ARAP2: variants seen among roughly 807,000 people sequenced by gnomAD.
The protein encoded by ARAP2 is arf-GAP with Rho-GAP domain, ANK repeat and PH domain-containing protein 2.
In ARAP2, 148 loss-of-function variants were observed where a neutral mutation model predicts 194.5. That is an observed-to-expected ratio of 0.76 (90% CI 0.67 to 0.87). ARAP2 has a LOEUF of 0.87. Among genes scored for constraint, ARAP2 ranks in the 40% least tolerant of loss-of-function variants. ARAP2 has a pLI of 0.00. For missense variants in ARAP2, 2,128 were observed against 1,989.7 expected, an observed-to-expected ratio of 1.07 and a Z score of -1.32; for synonymous variants, 695 against 683.5, an observed-to-expected ratio of 1.02 and a Z score of -0.26.
chr4:36,098,988 A>G (rs1459102625), intron 27 of ARAP2, among the ~76,000 whole-genome samples: 1 of 151,866 alleles, frequency 6.6e-6, no homozygotes, highest in Non-Finnish European at 1.5e-5. Flanking sequence ...GATCAACCCA[A>G]CCCCTAGGTA....
At chr4:36,063,650 T>C (rs908405458), downstream of ARAP2, among the ~76,000 whole-genome samples, 2 of 152,182 alleles carry the variant, frequency 1.3e-5, no homozygotes, top group African/African-American at 2.4e-5. Flanking sequence ...CTTAAAATGG[T>C]ACTTTAGGTC....
At chr4:36,080,942 G>C (rs1729390706) in intron 30 of ARAP2, among the ~76,000 whole-genome samples, 1 of 152,226 alleles carries the variant, frequency 6.6e-6, no homozygotes, top group South Asian at 2.1e-4. Context: ...CACAGACTTG[G>C]GGATGAGGAG....
chr4:36,033,728 G>A (rs763664264), intron 5 of ARAP2, among the ~76,000 whole-genome samples: 20 of 151,826 alleles, frequency 1.3e-4, no homozygotes, highest in Non-Finnish European at 2.2e-4. Context: ...TGCCCATTCC[G>A]ACATCTAGAA....
In ARAP2 at chr4:36,191,749, A is replaced by T. The variant is rs146505043; in HGVS notation, c.1557+1829T>A. ...CACAGGTATCTAGGGCAAGCCTGTC[A>T]TTTATCTACCAATTTGAGACAATGA... On this transcript the variant is annotated intron_variant, in intron 7 of 32. Coordinates refer to ENST00000303965, the MANE Select transcript of ARAP2 (RefSeq NM_015230.4). Among the ~76,000 whole-genome samples, 299 of 152,238 alleles carry T rather than the reference A, an allele frequency of 2.0e-3. 2 individuals carry two copies. The highest frequency in any genetic ancestry group is 6.9e-3 in the African/African-American group (287 of 41,520).
intron 28 of ARAP2, among the ~76,000 whole-genome samples, chr4:36,084,086 G>T (rs1301310985): frequency 6.6e-6 from 1 of 152,046 alleles, no homozygotes; most frequent in Admixed American, 6.6e-5. Flanking sequence ...CAGATTGAAG[G>T]CTGCACTGTT....
chr4:36,020,475 C>A (rs1716730509), intron 5 of ARAP2, among the ~76,000 whole-genome samples: 1 of 151,056 alleles, frequency 6.6e-6, no homozygotes, highest in Admixed American at 6.6e-5. Context: ...AACTAATGGG[C>A]AGGTTAGCAC....
chr4:36,101,319 A>G (rs1716858248), intron 27 of ARAP2, among the ~76,000 whole-genome samples: 1 of 152,020 alleles, frequency 6.6e-6, no homozygotes, highest in Non-Finnish European at 1.5e-5. Flanking sequence ...ACATCCTTCT[A>G]TCATTAAATT....
At chr4:36,011,604 C>A (rs1462430568) in intron 9 of ARAP2, among the ~76,000 whole-genome samples, 1 of 152,092 alleles carries the variant, frequency 6.6e-6, no homozygotes, top group Admixed American at 6.6e-5. Flanking sequence ...CTAGTCACTT[C>A]TGGCAGGAAG....
At chr4:36,218,613 C>T (rs1553950170) in intron 2 of ARAP2, among the ~76,000 whole-genome samples, 1 of 152,004 alleles carries the variant, frequency 6.6e-6, no homozygotes, top group Non-Finnish European at 1.5e-5. Context: ...GATTATAAAC[C>T]TCAGTGTAAT....
At chr4:36,119,420 C>T (rs192003460) in intron 24 of ARAP2, among the ~76,000 whole-genome samples, 193 of 151,378 alleles carry the variant, frequency 1.3e-3, no homozygotes, top group Non-Finnish European at 2.1e-3. Context: ...ATAAAGAAAA[C>T]CTTGAAAGGT....
intron 8 of ARAP2, among the ~76,000 whole-genome samples, chr4:36,178,252 C>A (rs1738430331): frequency 6.6e-6 from 1 of 152,150 alleles, no homozygotes; most frequent in Non-Finnish European, 1.5e-5. Context: ...AATGCAAAAT[C>A]TCAGGCCCTA....
intron 6 of ARAP2, among the ~76,000 whole-genome samples, chr4:36,200,558 T>A (rs1408328136): frequency 6.6e-6 from 1 of 152,186 alleles, no homozygotes; most frequent in Non-Finnish European, 1.5e-5. Context: ...CCCGGCCTCC[T>A]CTTTTCTAGC....
intron 6 of ARAP2, among the ~76,000 whole-genome samples, chr4:36,017,589 C>CAAAAAAAAAAAAAAAA (rs1252307818): frequency 9.5e-5 from 2 of 20,964 alleles, no homozygotes; most frequent in Non-Finnish European, 9.2e-5. Context: ...AAAAAAAAAG[C>CAAAAAAAAAAAAAAAA]TTTCTGTGGA....
At chr4:36,222,140 G>A (rs912089487) in intron 2 of ARAP2, among the ~76,000 whole-genome samples, 2 of 152,064 alleles carry the variant, frequency 1.3e-5, no homozygotes, top group African/African-American at 4.8e-5. Flanking sequence ...TATGATGTTA[G>A]CCTAGTTACT....
chr4:36,177,787 T>TA, intron 9 of ARAP2, 40 bp downstream of exon 9: 4 of 1,510,976 alleles, frequency 2.6e-6, no homozygotes, highest in Non-Finnish European at 3.5e-6. Flanking sequence ...GTTACTATAA[T>TA]AAAATAGCAG....
chr4:36,077,095 G>T (rs1381466079), intron 31 of ARAP2, among the ~76,000 whole-genome samples: 1 of 152,070 alleles, frequency 6.6e-6, no homozygotes, highest in Non-Finnish European at 1.5e-5. Flanking sequence ...GCTTGCAGGG[G>T]TGAATGCTGG....
intron 21 of ARAP2, among the ~76,000 whole-genome samples, chr4:36,126,879 C>G (rs751717590): frequency 5.9e-5 from 9 of 151,950 alleles, no homozygotes; most frequent in Non-Finnish European, 1.2e-4. Flanking sequence ...GCCCTGTCAC[C>G]CAGGCTGGAG....
intron 6 of ARAP2, among the ~76,000 whole-genome samples, chr4:36,200,329 G>C (rs1744110170): frequency 6.6e-6 from 1 of 151,208 alleles, no homozygotes; most frequent in Non-Finnish European, 1.5e-5. Flanking sequence ...AATCTCAGCT[G>C]ACCACAACCT....
intron 20 of ARAP2, among the ~76,000 whole-genome samples, chr4:36,131,400 T>TTA (rs1193007779): frequency 1.3e-5 from 2 of 150,448 alleles, no homozygotes; most frequent in Non-Finnish European, 3.0e-5. Context: ...ACATCATATG[T>TTA]TATATAGGAC....
Sources: gnomAD v4.1 joint callset for allele counts (sites outside exome capture counted in the v4.1 genomes callset) on GRCh38, gnomAD v4.1.1 for gene constraint, MANE v1.5 for transcripts, NCBI Gene and HGNC (gene_info 2026-07-23, HGNC 2026-07-21) for gene names.